The following WWOX variants were observed in gnomAD, a reference collection of about 807,000 sequenced individuals.
WWOX encodes WW domain-containing oxidoreductase.
WWOX carries 69 observed loss-of-function variants against 46.2 expected under a neutral mutation model. That is an observed-to-expected ratio of 1.49 (90% CI 1.23 to 1.82). The LOEUF (loss-of-function observed/expected upper bound fraction) is 1.82. WWOX is among the 40% of genes most tolerant of loss of function. The pLI is 0.00. For missense variants in WWOX, 919 were observed against 542.6 expected (o/e 1.69, Z -6.89); for synonymous variants, 359 against 202.6 (o/e 1.77, Z -6.56).
intron 8 of WWOX, among the ~76,000 whole-genome samples, chr16:78,675,314 C>G (rs1487913902): frequency 6.6e-6 from 1 of 152,114 alleles, no homozygotes. Context: ...GAACCGTACA[C>G]TGTAGTAAGA....
At chr16:78,936,574 C>T (rs1000636973) in intron 8 of WWOX, among the ~76,000 whole-genome samples, 18 of 152,136 alleles carry the variant, frequency 1.2e-4, no homozygotes, top group African/African-American at 3.6e-4. Context: ...AATTCCAGGA[C>T]GTCTCAAATT....
intron 8 of WWOX, among the ~76,000 whole-genome samples, chr16:78,870,001 C>G (rs1042743930): frequency 7.2e-5 from 11 of 152,188 alleles, no homozygotes; most frequent in Admixed American, 5.2e-4. Context: ...AGATCAAAGT[C>G]TCTCCACTGA....
chr16:78,618,677 T>G (rs1195547052), intron 8 of WWOX, among the ~76,000 whole-genome samples: 1 of 152,152 alleles, frequency 6.6e-6, no homozygotes, highest in African/African-American at 2.4e-5. Flanking sequence ...GATCCATGTT[T>G]GATCCGGGGG....
chr16:78,522,797 C>G (rs368263607), intron 8 of WWOX, among the ~76,000 whole-genome samples: 2 of 152,192 alleles, frequency 1.3e-5, no homozygotes, highest in African/African-American at 4.8e-5. Flanking sequence ...GTGGGCCAGG[C>G]GCAGTGGCTC....
intron 8 of WWOX, among the ~76,000 whole-genome samples, chr16:79,086,617 A>G (rs1373124298): frequency 6.6e-6 from 1 of 152,222 alleles, no homozygotes; most frequent in Non-Finnish European, 1.5e-5. Flanking sequence ...GCAGTGGCTC[A>G]TGCCTGTAAT....
At chr16:79,092,611 T>A (rs1196978315) in intron 8 of WWOX, among the ~76,000 whole-genome samples, 1 of 152,174 alleles carries the variant, frequency 6.6e-6, no homozygotes, top group South Asian at 2.1e-4. Context: ...CCTGATCTGA[T>A]TCATCTGGCG....
At chr16:78,503,988 TCC>T (rs1303397023) in intron 8 of WWOX, among the ~76,000 whole-genome samples, 5 of 152,212 alleles carry the variant, frequency 3.3e-5, no homozygotes, top group Admixed American at 2.6e-4. Context: ...TTTTTTTTAT[TCC>T]CTGGGTGTGA....
chr16:78,506,051 G>C (rs994730398), intron 8 of WWOX, among the ~76,000 whole-genome samples: 2 of 152,234 alleles, frequency 1.3e-5, no homozygotes, highest in East Asian at 3.9e-4. Flanking sequence ...ATCTTCTGCT[G>C]AGTATCGGAT....
intron 8 of WWOX, among the ~76,000 whole-genome samples, chr16:78,474,114 C>T (rs1272627553): frequency 1.3e-5 from 2 of 152,190 alleles, no homozygotes; most frequent in Admixed American, 6.5e-5. Flanking sequence ...CTGTTAAGCA[C>T]GCTGTAAAAT....
chr16:79,061,499 C>T (rs1051756434), intron 8 of WWOX, among the ~76,000 whole-genome samples: 3 of 152,118 alleles, frequency 2.0e-5, no homozygotes, highest in South Asian at 2.1e-4. Context: ...CAAATTTTAC[C>T]TGCGGGGATA....
At chr16:78,422,557 G>A (rs2082957052) in intron 6 of WWOX, among the ~76,000 whole-genome samples, 1 of 149,134 alleles carries the variant, frequency 6.7e-6, no homozygotes, top group South Asian at 2.1e-4. Flanking sequence ...GTGTTGCTCA[G>A]GCTGGTTTTG....
intron 8 of WWOX, among the ~76,000 whole-genome samples, chr16:78,931,216 G>C (rs1290372654): frequency 6.6e-6 from 1 of 152,176 alleles, no homozygotes; most frequent in African/African-American, 2.4e-5. Context: ...GTGGAAAACT[G>C]ACAAGACCCT....
chr16:79,007,383 C>A (rs1044893909), intron 8 of WWOX, among the ~76,000 whole-genome samples: 3 of 152,164 alleles, frequency 2.0e-5, no homozygotes, highest in African/African-American at 7.2e-5. Context: ...AAAGGAATGG[C>A]AAACACAGTG....
rs555845272 is a variant in WWOX at position 78,733,374 on chromosome 16, G to A, written c.1056+300622G>A. Among the ~76,000 whole-genome samples the A allele has an allele frequency of 3.9e-5, 6 of 152,152 alleles. No individual in the cohort carries two copies. In the South Asian group the frequency reaches 1.2e-3, roughly 32 times the overall value. On this transcript the variant is annotated intron_variant, in intron 8 of 8. Transcript: ENST00000566780. ...GAAGGTCAAGGCAGGAGGATTGCTG[G>A]AGCCCAGGAGGTTGAGGCTGCAGTG... is the stretch of plus-strand genomic sequence containing the variant.
intron 8 of WWOX, among the ~76,000 whole-genome samples, chr16:79,109,825 C>A (rs1171733011): frequency 1.3e-5 from 2 of 152,086 alleles, no homozygotes; most frequent in African/African-American, 2.4e-5. Flanking sequence ...TCGATGATAC[C>A]TGCACAGAAG....
chr16:78,984,468 G>C (rs1487015593), intron 8 of WWOX, among the ~76,000 whole-genome samples: 1 of 152,222 alleles, frequency 6.6e-6, no homozygotes, highest in Non-Finnish European at 1.5e-5. Flanking sequence ...TAGACAGTAA[G>C]TGAATGGATG....
intron 8 of WWOX, among the ~76,000 whole-genome samples, chr16:78,642,025 A>G (rs1307063290): frequency 6.6e-6 from 1 of 152,156 alleles, no homozygotes; most frequent in East Asian, 1.9e-4. Context: ...AAAAACAGCA[A>G]CGAGTTTATT....
At chr16:78,948,518 G>A (rs1479129673) in intron 8 of WWOX, among the ~76,000 whole-genome samples, 1 of 152,086 alleles carries the variant, frequency 6.6e-6, no homozygotes, top group Non-Finnish European at 1.5e-5. Flanking sequence ...CAGACCCCAA[G>A]ACAGCTCTGC....
intron 8 of WWOX, among the ~76,000 whole-genome samples, chr16:78,488,752 T>C (rs905502992): frequency 6.6e-6 from 1 of 152,198 alleles, no homozygotes; most frequent in Non-Finnish European, 1.5e-5. Context: ...CTGGGGCATC[T>C]GACTTCACCT....
Sources: allele counts gnomAD v4.1 joint callset (sites outside exome capture counted in the v4.1 genomes callset), GRCh38; gene constraint gnomAD v4.1.1; transcripts MANE v1.5; gene names NCBI Gene and HGNC (gene_info 2026-07-23, HGNC 2026-07-21).